The following TARP variants were observed in gnomAD, a reference collection of about 807,000 sequenced individuals.
chr7:38,270,129 G>T, the TARP span, among the ~76,000 whole-genome samples: 1 of 151,796 alleles, frequency 6.6e-6, no homozygotes, highest in Non-Finnish European at 1.5e-5. Flanking sequence ...AAATATAAGA[G>T]ATTATGATGA....
chr7:38,271,023 A>C, the TARP span, among the ~76,000 whole-genome samples: 1 of 150,662 alleles, frequency 6.6e-6, no homozygotes, highest in East Asian at 1.9e-4. Context: ...TGAGCATAAA[A>C]TTTTAAACTG....
the TARP span, among the ~76,000 whole-genome samples, chr7:38,273,345 C>A: frequency 6.7e-6 from 1 of 149,796 alleles, no homozygotes. Flanking sequence ...AGAGAGATAC[C>A]AATGGAACAA....
At chr7:38,264,516 G>C in the TARP span, among the ~76,000 whole-genome samples, 2 of 151,438 alleles carry the variant, frequency 1.3e-5, no homozygotes, top group African/African-American at 4.9e-5. Context: ...ACTTGAACCC[G>C]GGAGGTGGAG....
chr7:38,271,357 A>G, the TARP span, among the ~76,000 whole-genome samples: 1 of 151,270 alleles, frequency 6.6e-6, no homozygotes, highest in South Asian at 2.1e-4. Flanking sequence ...CTTAAAATGA[A>G]GCTTTTTTTC....
chr7:38,265,908 T>C, the TARP span, among the ~76,000 whole-genome samples: 1 of 151,708 alleles, frequency 6.6e-6, no homozygotes, highest in South Asian at 2.1e-4. Context: ...GTCACAGCTC[T>C]CAAATGTCAG....
At chr7:38,271,455 A>G in the TARP span, among the ~76,000 whole-genome samples, 1 of 151,392 alleles carries the variant, frequency 6.6e-6, no homozygotes, top group South Asian at 2.1e-4. Context: ...TGTTCTTCTA[A>G]TACTCTGCTT....
At chr7:38,273,443 C>G in the TARP span, 6 of 668,354 alleles carry the variant, frequency 9.0e-6, no homozygotes, top group Admixed American at 2.7e-5. Flanking sequence ...GTTCTGACTC[C>G]TAAGGCATGA....
chr7:38,262,755 T>C, the TARP span, among the ~76,000 whole-genome samples: 1 of 151,360 alleles, frequency 6.6e-6, no homozygotes. Context: ...CCCAGGCTCA[T>C]GAGATCCTCC....
chr7:38,270,234 T>TA, the TARP span, among the ~76,000 whole-genome samples: 1 of 151,782 alleles, frequency 6.6e-6, no homozygotes, highest in African/African-American at 2.4e-5. Flanking sequence ...TTGCCCTTAC[T>TA]AAAAAAAATT....
chr7:38,261,870 CAAAA>C, the TARP span, among the ~76,000 whole-genome samples: 4 of 52,468 alleles, frequency 7.6e-5, no homozygotes, highest in South Asian at 6.2e-4. Context: ...AGACTCTGTC[CAAAA>C]AAAAAAAAAA....
At chr7:38,266,917 C>A in the TARP span, among the ~76,000 whole-genome samples, 1 of 151,772 alleles carries the variant, frequency 6.6e-6, no homozygotes, top group Non-Finnish European at 1.5e-5. Context: ...TTGTGTTAAT[C>A]TTCTGCAGTA....
the TARP span, among the ~76,000 whole-genome samples, chr7:38,262,748 AG>A: frequency 6.6e-6 from 1 of 151,518 alleles, no homozygotes; most frequent in East Asian, 1.9e-4. Context: ...CAAACTCCCC[AG>A]GCTCATGAGA....
At chr7:38,265,821 G>C in the TARP span, 1 of 659,844 alleles carries the variant, frequency 1.5e-6, no homozygotes, top group Non-Finnish European at 2.6e-6. Flanking sequence ...ATCCAGGATA[G>C]GCTGCACAGT....
the TARP span, among the ~76,000 whole-genome samples, chr7:38,268,048 C>T: frequency 6.6e-6 from 1 of 151,278 alleles, no homozygotes; most frequent in Non-Finnish European, 1.5e-5. Flanking sequence ...AAATAGCATA[C>T]TTGATTACAC....
At chr7:38,265,781 C>T in the TARP span, 38 of 870,630 alleles carry the variant, frequency 4.4e-5, no homozygotes, top group East Asian at 2.2e-4. Context: ...AGAGAAGATG[C>T]CATTGAGCTG....
chr7:38,265,658 C>T, the TARP span: 3 of 1,602,496 alleles, frequency 1.9e-6, no homozygotes, highest in Non-Finnish European at 2.6e-6. Flanking sequence ...TTGGGGGAAA[C>T]ATCTGCATCA....
the TARP span, among the ~76,000 whole-genome samples, chr7:38,261,335 T>C: frequency 1.3e-5 from 2 of 151,782 alleles, no homozygotes. Flanking sequence ...CTGTGTGACA[T>C]GTATAGGGAT....
At chr7:38,269,971 G>T in the TARP span, among the ~76,000 whole-genome samples, 6 of 151,790 alleles carry the variant, frequency 4.0e-5, no homozygotes, top group Non-Finnish European at 8.8e-5. Flanking sequence ...AGCATGATGT[G>T]CACGACTGTA....
the TARP span, among the ~76,000 whole-genome samples, chr7:38,271,689 T>C: frequency 6.6e-6 from 1 of 151,558 alleles, no homozygotes; most frequent in African/African-American, 2.4e-5. Flanking sequence ...GAGTGAATAA[T>C]TGTGTCTTAG....
Sources: allele counts gnomAD v4.1 joint callset (sites outside exome capture counted in the v4.1 genomes callset), GRCh38; gene constraint gnomAD v4.1.1; transcripts MANE v1.5.